Variants in SPIRE2 observed in about 807,000 individuals in gnomAD.
The protein encoded by SPIRE2 is protein spire homolog 2.
SPIRE2 carries 76 observed loss-of-function variants against 80.7 expected under a neutral mutation model. That is an observed-to-expected ratio of 0.94 (90% CI 0.78 to 1.14). The LOEUF (loss-of-function observed/expected upper bound fraction) is 1.14, where lower values mean the gene tolerates loss of function less well. Among genes scored for constraint, SPIRE2 ranks in the 50% most tolerant of loss-of-function variants. The pLI is 0.00. For synonymous variants in SPIRE2, 535 were observed against 432.6 expected, an observed-to-expected ratio of 1.24 and a Z score of -2.94; for missense variants, 1,196 against 1,015.3, an observed-to-expected ratio of 1.18 and a Z score of -2.42.
chr16:89,857,719 C>T (rs543590730), intron 7 of SPIRE2, among the ~76,000 whole-genome samples: 8 of 149,832 alleles, frequency 5.3e-5, no homozygotes, highest in South Asian at 4.2e-4. Context: ...TACAGGCACG[C>T]GCCACCACAC....
In SPIRE2 at chr16:89,838,261, C is replaced by A. The variant is rs561070601; in HGVS notation, c.245-7061C>A. On this transcript the variant is annotated intron_variant, in intron 1 of 14. Coordinates refer to ENST00000378247, the MANE Select transcript of SPIRE2 (RefSeq NM_032451.2). ...GTAGTGGTGCAATCTCAGCTCACTG[C>A]AAACTCCACCTCCTAGGTTCTTGCC... Among the ~76,000 whole-genome samples, 24 of 149,204 alleles carry A rather than the reference C, an allele frequency of 1.6e-4. No individual in the cohort carries two copies. The East Asian group carries it at 2.4e-3, about 15-fold the overall frequency.
chr16:89,865,916 C>T (rs901735043), intron 12 of SPIRE2, among the ~76,000 whole-genome samples: 24 of 138,998 alleles, frequency 1.7e-4, no homozygotes, highest in African/African-American at 4.2e-4. Flanking sequence ...TGCAGTGAGC[C>T]GAGATCGCGC....
intron 10 of SPIRE2, chr16:89,862,073 G>A (rs1405131580): frequency 5.3e-5 from 8 of 149,780 alleles, no homozygotes; most frequent in South Asian, 2.1e-4. Flanking sequence ...GCGCCATCTC[G>A]GCTCACTGCA....
chr16:89,855,220 G>A (rs1196303971), intron 5 of SPIRE2, among the ~76,000 whole-genome samples: 2 of 152,188 alleles, frequency 1.3e-5, no homozygotes, highest in Non-Finnish European at 2.9e-5. Flanking sequence ...TTACAGATGT[G>A]AGCCACCTGC....
At chr16:89,860,155 C>T (rs563977855) in intron 9 of SPIRE2, among the ~76,000 whole-genome samples, 177 of 152,324 alleles carry the variant, frequency 1.2e-3, no homozygotes, top group African/African-American at 4.1e-3. Flanking sequence ...ACTGCCCATG[C>T]CAGCTCATTC....
chr16:89,847,884 C>T (rs942586804), intron 2 of SPIRE2, among the ~76,000 whole-genome samples: 61 of 152,330 alleles, frequency 4.0e-4, no homozygotes, highest in Non-Finnish European at 5.4e-4. Context: ...TTGGAGTTAA[C>T]CCTTTCAGTA....
chr16:89,833,324 C>G (rs1163320422), intron 1 of SPIRE2, among the ~76,000 whole-genome samples: 3 of 151,780 alleles, frequency 2.0e-5, no homozygotes, highest in African/African-American at 7.3e-5. Flanking sequence ...GGGGTTTCAC[C>G]ATGTTGGCCA....
intron 1 of SPIRE2, among the ~76,000 whole-genome samples, chr16:89,833,664 C>T (rs2041410523): frequency 6.6e-6 from 1 of 152,206 alleles, no homozygotes; most frequent in African/African-American, 2.4e-5. Flanking sequence ...CTGTGCAGCC[C>T]TGGGCACGCC....
intron 7 of SPIRE2, among the ~76,000 whole-genome samples, chr16:89,857,116 G>C (rs1360192574): frequency 6.8e-6 from 1 of 146,920 alleles, no homozygotes; most frequent in Admixed American, 7.0e-5. Context: ...ACTTTACAAG[G>C]CCATTGGAAT....
rs1370973722 is a variant in SPIRE2 at position 89,863,005 on chromosome 16, C to T, written c.1576-471C>T. On this transcript the variant is annotated intron_variant, in intron 10 of 14. Transcript: ENST00000378247. The surrounding 1 kb of genome is among the most constrained non-coding windows in gnomAD (Gnocchi z 4.3). ...ACAGGACACACTCAACATAAGGTGG[C>T]CCCAGGAATCAGTGGCCAGGACACG... 5.9e-6 allele frequency: 1 copy of T among 170,280 alleles called. No individual in the cohort carries two copies. Among genetic ancestry groups the T allele is most frequent in the Non-Finnish European group, 1.3e-5 (1 of 77,638 alleles). 10.5% of individuals were successfully genotyped at this position (170,280 alleles called of 1,614,324 possible). A position where few individuals can be genotyped will look rare whatever the true frequency, so the allele number is the denominator to read the frequency against.
rs1216777144 is a variant in SPIRE2 at position 89,850,567 on chromosome 16, C to T, written c.552C>T (p.Gly184=). ...CGGCGCGGCTGACCGACCCCCGGGG[C>T]GCACAGGCGCATTACCAGGCCGTGT... ...LCAARLTDPR[G]AQAHYQAVCR... Residue 184 remains glycine, a synonymous_variant, in exon 3 of 15, where the codon GGC becomes GGT. Coordinates refer to ENST00000378247, the MANE Select transcript of SPIRE2 (RefSeq NM_032451.2). 9.9e-6 allele frequency: 15 copies of T among 1,514,070 alleles called. No individual in the cohort carries two copies. Among genetic ancestry groups the T allele is most frequent in the South Asian group, 1.2e-5 (1 of 80,576 alleles). 93.8% of individuals were successfully genotyped at this position (1,514,070 alleles called of 1,614,324 possible).
chr16:89,848,088 C>T (rs1052188491), intron 2 of SPIRE2, among the ~76,000 whole-genome samples: 7 of 152,190 alleles, frequency 4.6e-5, no homozygotes, highest in South Asian at 4.1e-4. Flanking sequence ...TTTCCCGCTA[C>T]GCTGTCCTTC....
In SPIRE2 at chr16:89,828,506, G is replaced by C; in HGVS notation, c.-45G>C. 9.9e-7 allele frequency: 1 copy of C among 1,012,026 alleles called. No individual in the cohort carries two copies. Among genetic ancestry groups the C allele is most frequent in the Non-Finnish European group, 1.2e-6 (1 of 849,100 alleles). 62.7% of individuals were successfully genotyped at this position (1,012,026 alleles called of 1,614,324 possible). A position where few individuals can be genotyped will look rare whatever the true frequency, so the allele number is the denominator to read the frequency against. ...ACCCTGCGCGGCGGAAGGCGCGGCT[G>C]CATGGACGCGGGTCCGGCGCGCGGG... On this transcript the variant is annotated 5_prime_UTR_variant, in exon 1 of 15. Coordinates refer to ENST00000378247, the MANE Select transcript of SPIRE2 (RefSeq NM_032451.2). This position sits in a 1 kb window ranked among gnomAD's most constrained non-coding sequence, Gnocchi z 5.9.
In SPIRE2 at chr16:89,863,716, C is replaced by T; in HGVS notation, c.1711-78C>T. On this transcript the variant is annotated intron_variant, in intron 11 of 14. Coordinates refer to ENST00000378247, the MANE Select transcript of SPIRE2 (RefSeq NM_032451.2). The surrounding 1 kb of genome is among the most constrained non-coding windows in gnomAD (Gnocchi z 4.3). ...TTTGCTCATGATCTGGTTGGGAGCC[C>T]TGAGGGGGTAGCAGGGACAGGGCGG... 5.6e-6 allele frequency: 9 copies of T among 1,609,134 alleles called. No individual in the cohort carries two copies. The highest frequency in any genetic ancestry group is 7.7e-6 in the Non-Finnish European group (9 of 1,175,654).
At chr16:89,847,628 G>A (rs1170970765) in intron 2 of SPIRE2, among the ~76,000 whole-genome samples, 4 of 152,204 alleles carry the variant, frequency 2.6e-5, no homozygotes, top group Admixed American at 6.5e-5. Context: ...CTCGCTCCTG[G>A]ATTCCATGAA....
chr16:89,829,689 T>G (rs2041360733), intron 1 of SPIRE2, among the ~76,000 whole-genome samples: 1 of 151,624 alleles, frequency 6.6e-6, no homozygotes, highest in Non-Finnish European at 1.5e-5. Context: ...CCTTGTTCCT[T>G]CACCAGGTCC....
intron 5 of SPIRE2, 138 bp downstream of exon 5, chr16:89,854,789 G>A: frequency 1.1e-6 from 1 of 905,362 alleles, no homozygotes; most frequent in Non-Finnish European, 1.7e-6. Context: ...GCTGGGTACT[G>A]GGTCATAAAA....
chr16:89,863,111 A>G lies in SPIRE2; in HGVS notation c.1576-365A>G, dbSNP rs2041758777. 2 of 281,980 alleles carry G rather than the reference A, an allele frequency of 7.1e-6. No individual in the cohort carries two copies. The highest frequency in any genetic ancestry group is 1.2e-3 in the Middle Eastern group (1 of 808). 17.5% of individuals were successfully genotyped at this position (281,980 alleles called of 1,614,324 possible). ...TCCTGGACCTTCCAGAAAAGAGGAC[A>G]TCAGCTGCTCAGGGAGGGAAGGTTT... On this transcript the variant is annotated intron_variant, in intron 10 of 14. Transcript: ENST00000378247. The surrounding 1 kb of genome is among the most constrained non-coding windows in gnomAD (Gnocchi z 4.3).
chr16:89,843,666 CGT>C (rs1491216231), intron 1 of SPIRE2, among the ~76,000 whole-genome samples: 1 of 47,322 alleles, frequency 2.1e-5, no homozygotes, highest in Admixed American at 2.8e-4. Context: ...CTTGCTGCCA[CGT>C]TTTTTTTTTT....
Sources: allele counts gnomAD v4.1 joint callset (sites outside exome capture counted in the v4.1 genomes callset), GRCh38; gene constraint gnomAD v4.1.1; non-coding constraint Gnocchi (gnomAD v3.1); transcripts MANE v1.5; gene names NCBI Gene and HGNC (gene_info 2026-07-23, HGNC 2026-07-21).